The following THAP2 variants were observed in gnomAD, a reference collection of about 807,000 sequenced individuals.
THAP2 encodes THAP domain containing 2.
A neutral mutation model predicts 18.8 loss-of-function variants in THAP2; 16 were observed. The ratio of observed to expected loss-of-function variants is 0.85; its 90% confidence interval spans 0.58 to 1.29. The LOEUF (loss-of-function observed/expected upper bound fraction) is 1.29, where lower values mean the gene tolerates loss of function less well. Among genes scored for constraint, THAP2 ranks in the 50% most tolerant of loss-of-function variants. The probability of loss-of-function intolerance (pLI) is 0.00; values close to 1 mark genes in which losing one functional copy is unlikely to be tolerated. For missense variants in THAP2, 251 were observed against 265.3 expected, an observed-to-expected ratio of 0.95 and a Z score of 0.38; for synonymous variants, 80 against 89.2, an observed-to-expected ratio of 0.90 and a Z score of 0.58.
Position 71,678,904 on chromosome 12 carries a change from C to T in THAP2, c.*1796C>T, listed in dbSNP as rs1881560528. The T allele has an allele frequency of 2.0e-5, 3 of 151,944 alleles. No homozygotes were observed. The highest frequency in any genetic ancestry group is 2.1e-4 in the South Asian group (1 of 4,824). 9.4% of individuals were successfully genotyped at this position (151,944 alleles called of 1,614,324 possible). A position where few individuals can be genotyped will look rare whatever the true frequency, so the allele number is the denominator to read the frequency against. ...TTTATCTTAAGTATTAGATGTAGTT[C>T]CTTGGAATTGTCATTACATATTTAT... On this transcript the variant is annotated 3_prime_UTR_variant, in exon 3 of 3. Transcript: ENST00000308086.
chr12:71,666,403 C>T (rs1881343187), intron 1 of THAP2, among the ~76,000 whole-genome samples: 2 of 152,038 alleles, frequency 1.3e-5, no homozygotes, highest in Admixed American at 1.3e-4. Context: ...GTCCCAGCTA[C>T]TCCGGAGGCT....
intron 1 of THAP2, among the ~76,000 whole-genome samples, chr12:71,673,536 T>C (rs1357535296): frequency 1.3e-5 from 2 of 152,218 alleles, no homozygotes; most frequent in Non-Finnish European, 2.9e-5. Flanking sequence ...TTTTTAAAAG[T>C]ATTTGCTGTT....
intron 1 of THAP2, among the ~76,000 whole-genome samples, chr12:71,671,605 A>C (rs923176358): frequency 2.0e-5 from 3 of 152,206 alleles, no homozygotes; most frequent in Non-Finnish European, 4.4e-5. Flanking sequence ...TTTAGCAGGA[A>C]TTTATTGTTT....
In THAP2 at chr12:71,679,890, A is replaced by G. The variant is rs115385478; in HGVS notation, c.*2782A>G. On this transcript the variant is annotated 3_prime_UTR_variant, in exon 3 of 3. Transcript: ENST00000308086. Reference sequence around the variant, plus strand: ...ATTATGGTGTTTTATTGAATGAGCTATAAGACAACATTTTTACCCTTTAAA... The same window carrying G: ...ATTATGGTGTTTTATTGAATGAGCTGTAAGACAACATTTTTACCCTTTAAA... 97 of 152,324 alleles carry G rather than the reference A, an allele frequency of 6.4e-4. No homozygotes were observed. The highest frequency in any genetic ancestry group is 2.2e-3 in the African/African-American group (92 of 41,588). The allele number at this position is 152,324 out of a possible 1,614,324, so 9.4% of individuals were successfully genotyped here. A position where few individuals can be genotyped will look rare whatever the true frequency, so the allele number is the denominator to read the frequency against.
chr12:71,665,072 G>A (rs1881309238), intron 1 of THAP2: 5 of 672,352 alleles, frequency 7.4e-6, no homozygotes, highest in Non-Finnish European at 1.1e-5. Context: ...ATTAAGCGAT[G>A]TTAATTAAAG....
intron 2 of THAP2, among the ~76,000 whole-genome samples, chr12:71,675,777 C>T (rs549668354): frequency 6.6e-6 from 1 of 152,064 alleles, no homozygotes; most frequent in South Asian, 2.1e-4. Context: ...AGTATGCCAT[C>T]TAAAGATTTA....
intron 1 of THAP2, among the ~76,000 whole-genome samples, chr12:71,671,016 C>T (rs781088239): frequency 6.6e-6 from 1 of 151,550 alleles, no homozygotes; most frequent in Non-Finnish European, 1.5e-5. Flanking sequence ...AGGTCTTCAT[C>T]CTTGTCATCT....
chr12:71,674,868 AG>A (rs895694202), intron 2 of THAP2, among the ~76,000 whole-genome samples: 3 of 152,090 alleles, frequency 2.0e-5, no homozygotes, highest in African/African-American at 7.2e-5. Flanking sequence ...TTTAAAATAG[AG>A]GAAAGGGAAC....
intron 1 of THAP2, among the ~76,000 whole-genome samples, chr12:71,666,412 C>G (rs1881343620): frequency 6.6e-6 from 1 of 152,042 alleles, no homozygotes; most frequent in Non-Finnish European, 1.5e-5. Context: ...ACTCCGGAGG[C>G]TGAGGTGGGA....
chr12:71,664,769 T>A, intron 1 of THAP2, 189 bp downstream of exon 1: 1 of 753,764 alleles, frequency 1.3e-6, no homozygotes, highest in Non-Finnish European at 2.3e-6. Flanking sequence ...GCTTTACTCA[T>A]TTTCTAAAAG....
intron 2 of THAP2, among the ~76,000 whole-genome samples, chr12:71,674,824 G>T (rs1342347531): frequency 1.3e-5 from 2 of 152,090 alleles, no homozygotes; most frequent in African/African-American, 4.8e-5. Flanking sequence ...CAGAGAGCTT[G>T]GGCATTCAGG....
chr12:71,672,722 T>C (rs536186265), intron 1 of THAP2, among the ~76,000 whole-genome samples: 1 of 152,024 alleles, frequency 6.6e-6, no homozygotes, highest in Non-Finnish European at 1.5e-5. Context: ...GTGGCATATA[T>C]ATATATATAT....
chr12:71,668,963 T>C (rs777448066), intron 1 of THAP2, among the ~76,000 whole-genome samples: 3 of 152,194 alleles, frequency 2.0e-5, no homozygotes, highest in Non-Finnish European at 2.9e-5. Flanking sequence ...ATCCAAAACA[T>C]GATCAAGGTT....
Position 71,672,370 on chromosome 12 carries a change from G to A in THAP2, c.72-1833G>A, listed in dbSNP as rs962219017. On this transcript the variant is annotated intron_variant, in intron 1 of 2. Coordinates refer to ENST00000308086, the MANE Select transcript of THAP2 (RefSeq NM_031435.4). ...ATCCTCTGATGGCATTAAATTTGCA[G>A]CTTCAGATCATTCACCTTCCTTTTG... Among the ~76,000 whole-genome samples, 8 of 152,114 alleles carry A rather than the reference G, an allele frequency of 5.3e-5. No individual in the cohort carries two copies. In the East Asian group the frequency reaches 1.4e-3, roughly 26 times the overall value.
intron 1 of THAP2, among the ~76,000 whole-genome samples, chr12:71,673,491 T>C (rs75227158): frequency 6.6e-6 from 1 of 152,286 alleles, no homozygotes; most frequent in Non-Finnish European, 1.5e-5. Context: ...TTTGTAAGTT[T>C]ACTTTCTGCT....
chr12:71,671,951 A>G (rs1343134831), intron 1 of THAP2, among the ~76,000 whole-genome samples: 1 of 152,222 alleles, frequency 6.6e-6, no homozygotes, highest in Non-Finnish European at 1.5e-5. Flanking sequence ...ACCAATCCAG[A>G]AAAAGGGTTC....
rs1440409182 is a variant in THAP2, at chr12:71,678,996, A to G, written c.*1888A>G. ...AATCATCATCAAACATTCACTGACC[A>G]TATCTATTTTATAACTCAAAATAAG... On this transcript the variant is annotated 3_prime_UTR_variant, in exon 3 of 3. Coordinates refer to ENST00000308086, the MANE Select transcript of THAP2 (RefSeq NM_031435.4). The G allele has an allele frequency of 6.6e-6, 1 of 152,134 alleles. No homozygotes were observed. Among genetic ancestry groups the G allele is most frequent in the East Asian group, 1.9e-4 (1 of 5,206 alleles). The allele number at this position is 152,134 out of a possible 1,614,324, so 9.4% of individuals were successfully genotyped here.
intron 1 of THAP2, 103 bp from the exon 2 acceptor site, chr12:71,674,100 A>G: frequency 8.5e-7 from 1 of 1,179,664 alleles, no homozygotes; most frequent in Non-Finnish European, 1.1e-6. Flanking sequence ...TTTTTTAGGT[A>G]AATGGGACAC....
chr12:71,665,114 A>G, intron 1 of THAP2: 3 of 596,734 alleles, frequency 5.0e-6, no homozygotes, highest in Middle Eastern at 6.8e-4. Flanking sequence ...TCTTACTAGA[A>G]TAGAGTAATA....
Sources: allele counts gnomAD v4.1 joint callset (sites outside exome capture counted in the v4.1 genomes callset), GRCh38; gene constraint gnomAD v4.1.1; transcripts MANE v1.5; gene names NCBI Gene and HGNC (gene_info 2026-07-23, HGNC 2026-07-21).